DYSF: variants seen among roughly 807,000 people sequenced by gnomAD.
DYSF encodes dysferlin.
In DYSF, 212 loss-of-function variants were observed where a neutral mutation model predicts 274.9. The ratio of observed to expected loss-of-function variants is 0.77; its 90% CI spans 0.69 to 0.86. The LOEUF (loss-of-function observed/expected upper bound fraction) is 0.86. DYSF is among the 40% of genes least tolerant of loss of function. The pLI is 0.00. For synonymous variants in DYSF, 1,091 were observed against 1,078.7 expected, an observed-to-expected ratio of 1.01 and a Z score of -0.22; for missense variants, 2,666 against 2,783.2, an observed-to-expected ratio of 0.96 and a Z score of 0.95.
intron 39 of DYSF, 102 bp downstream of exon 39, chr2:71,612,908 G>A (rs1475823476): frequency 7.2e-7 from 1 of 1,389,618 alleles, no homozygotes; most frequent in Non-Finnish European, 9.7e-7. Context: ...CTCTTACGGA[G>A]ACCTGAATGA....
intron 3 of DYSF, among the ~76,000 whole-genome samples, chr2:71,485,778 A>G (rs1403485271): frequency 2.0e-5 from 3 of 152,212 alleles, no homozygotes; most frequent in Non-Finnish European, 4.4e-5. Context: ...TTTGAAAGAA[A>G]AGGAAAAAAC....
chr2:71,632,208 C>A (rs6753136), intron 41 of DYSF, among the ~76,000 whole-genome samples: 1 of 152,170 alleles, frequency 6.6e-6, no homozygotes, highest in African/African-American at 2.4e-5. Flanking sequence ...GTTGGTACAG[C>A]GCTAGCTGCT....
intron 22 of DYSF, among the ~76,000 whole-genome samples, chr2:71,560,472 G>T (rs962203556): frequency 1.2e-5 from 1 of 85,980 alleles, no homozygotes; most frequent in African/African-American, 5.1e-5. Context: ...AGCGGCCTGG[G>T]GCAGCCCATC....
At chr2:71,514,738 T>C (rs2086476066) in intron 7 of DYSF, among the ~76,000 whole-genome samples, 1 of 152,220 alleles carries the variant, frequency 6.6e-6, no homozygotes, top group South Asian at 2.1e-4. Context: ...TTCTAAATCA[T>C]GGTAATTTAA....
At chr2:71,526,138 C>T (rs2087869627) in intron 12 of DYSF, 82 bp from the exon 13 acceptor site, 17 of 1,611,752 alleles carry the variant, frequency 1.1e-5, no homozygotes, top group Non-Finnish European at 1.4e-5. Flanking sequence ...ATTTATGTGG[C>T]GAAGCTGGAA....
chr2:71,660,305 A>G (rs557303434), intron 44 of DYSF, among the ~76,000 whole-genome samples: 61 of 152,302 alleles, frequency 4.0e-4, no homozygotes, highest in African/African-American at 1.3e-3. Flanking sequence ...GCCTCTCCCA[A>G]TGGAGCAGTA....
chr2:71,504,659 G>A (rs4502445), intron 4 of DYSF, among the ~76,000 whole-genome samples: 85,053 of 152,024 alleles, frequency 0.56, 25,236 homozygotes, highest in Non-Finnish European at 0.66. Context: ...TTGGGGTCAG[G>A]CTTGGTTCTC....
intron 55 of DYSF, among the ~76,000 whole-genome samples, chr2:71,685,493 C>T (rs914100215): frequency 2.0e-5 from 3 of 152,232 alleles, no homozygotes; most frequent in African/African-American, 4.8e-5. Context: ...TGATGAGGGC[C>T]GGGCCCTGGT....
chr2:71,507,579 C>T (rs528026221), intron 4 of DYSF, among the ~76,000 whole-genome samples: 1 of 152,172 alleles, frequency 6.6e-6, no homozygotes. Context: ...GTGTGTTTGG[C>T]CCTGGCAGGT....
At chr2:71,606,534 A>C (rs149051875) in intron 36 of DYSF, among the ~76,000 whole-genome samples, 1 of 151,998 alleles carries the variant, frequency 6.6e-6, no homozygotes, top group Non-Finnish European at 1.5e-5. Context: ...ACTGTCCTGG[A>C]GAGGGGGTGC....
rs150917600 is a variant in DYSF at position 71,515,666 on chromosome 2, A to C, written c.803A>C (p.Asn268Thr). The change falls in exon 8 of 56, where the codon AAC becomes ACC. Residue 268 changes from asparagine to threonine, a missense_variant. Physicochemically the swap from Asn to Thr is moderately conservative, Grantham distance 65. Coordinates refer to ENST00000410020, the MANE Select transcript of DYSF (RefSeq NM_001130987.2). The stretch of plus-strand genomic sequence containing the variant: ...GAGGGGCGCCAGCTGCCGGGGGTGA[A>C]CATCAAGCCTGTGGTCAAGGTTACC... Reference protein sequence around the residue: ...VIEGRQLPGVNIKPVVKVTAA... With the variant: ...VIEGRQLPGVTIKPVVKVTAA... 110 of 1,613,938 alleles carry C rather than the reference A, an allele frequency of 6.8e-5. No individual in the cohort carries two copies. The African/African-American group carries it at 1.4e-3, about 20-fold the overall frequency.
At chr2:71,675,533 T>C (rs1417845012) in intron 52 of DYSF, among the ~76,000 whole-genome samples, 2 of 152,222 alleles carry the variant, frequency 1.3e-5, no homozygotes, top group African/African-American at 4.8e-5. Context: ...GGGAGAAGGC[T>C]GCCTGTTCAC....
intron 34 of DYSF, 123 bp from the exon 35 acceptor site, chr2:71,601,376 T>A (rs1437252956): frequency 7.5e-7 from 1 of 1,333,070 alleles, no homozygotes; most frequent in Non-Finnish European, 1.1e-6. Context: ...CCTTCTACCC[T>A]CAAGGAATAG....
chr2:71,682,627 A>G lies in DYSF; in HGVS notation c.6271A>G (p.Ile2091Val), dbSNP rs761997475. ...CCGGTGGGCCATCATCCTCTTCATCATCCTCTTCATCCTGCTGCTGTTCCT... is the reference window on the plus strand; with the variant it reads ...CCGGTGGGCCATCATCCTCTTCATCGTCCTCTTCATCCTGCTGCTGTTCCT... ...RFRWAIILFI[I>V]LFILLLFLAI... Residue 2091 changes from isoleucine (I) to valine (V), a missense_variant, in exon 55 of 56, where the codon ATC becomes GTC. Around this residue, in one of 3 missense-constraint regions of DYSF, gnomAD observed 1,460 missense variants for 1,502.1 expected, o/e 0.97. Transcript: ENST00000410020. 1.2e-6 allele frequency: 2 copies of G among 1,613,862 alleles called. No homozygotes were observed. Among genetic ancestry groups the G allele is most frequent in the Admixed American group, 1.7e-5 (1 of 60,002 alleles).
intron 44 of DYSF, 119 bp from the exon 45 acceptor site, chr2:71,660,441 C>A: frequency 1.2e-6 from 1 of 842,334 alleles, no homozygotes. Flanking sequence ...CAGGACACAG[C>A]CCACATCTCA....
intron 4 of DYSF, among the ~76,000 whole-genome samples, chr2:71,510,210 A>C (rs1431837552): frequency 6.6e-6 from 1 of 152,158 alleles, no homozygotes; most frequent in African/African-American, 2.4e-5. Context: ...AGCCCAACTT[A>C]CCTTTTGCTG....
At chr2:71,638,909 A>G (rs537261211) in intron 41 of DYSF, among the ~76,000 whole-genome samples, 1 of 152,372 alleles carries the variant, frequency 6.6e-6, no homozygotes, top group South Asian at 2.1e-4. Context: ...GAACTGCCAA[A>G]CTGTTTTTCA....
chr2:71,499,734 G>A (rs1440229913), intron 3 of DYSF, among the ~76,000 whole-genome samples: 8 of 152,130 alleles, frequency 5.3e-5, no homozygotes, highest in Admixed American at 6.5e-5. Context: ...GGTTGGCAGC[G>A]GCTCTTTCGG....
intron 36 of DYSF, among the ~76,000 whole-genome samples, chr2:71,608,187 T>G (rs1309554611): frequency 6.6e-6 from 1 of 151,370 alleles, no homozygotes; most frequent in Non-Finnish European, 1.5e-5. Context: ...GCAGGTGGTG[T>G]GGACATGAGG....
Sources: allele counts gnomAD v4.1 joint callset (sites outside exome capture counted in the v4.1 genomes callset), GRCh38; gene constraint gnomAD v4.1.1; regional missense constraint gnomAD v4.1.1; transcripts MANE v1.5; gene names NCBI Gene and HGNC (gene_info 2026-07-23, HGNC 2026-07-21).